Variants in UTP4 observed in about 807,000 individuals in gnomAD.
UTP4 encodes the protein U3 small nucleolar RNA-associated protein 4 homolog.
A neutral mutation model predicts 82.4 loss-of-function variants in UTP4; 45 were observed. The ratio of observed to expected loss-of-function variants is 0.55; its 90% confidence interval spans 0.43 to 0.70. The LOEUF is 0.70. UTP4 is among the 30% of genes least tolerant of loss of function. The pLI is 0.00. For missense variants in UTP4, 819 were observed against 858.3 expected, an observed-to-expected ratio of 0.95 and a Z score of 0.57; for synonymous variants, 348 against 300.3, an observed-to-expected ratio of 1.16 and a Z score of -1.64.
intron 16 of UTP4, 67 bp from the exon 17 acceptor site, chr16:69,168,754 C>A: frequency 1.0e-6 from 1 of 954,756 alleles, no homozygotes; most frequent in Non-Finnish European, 1.7e-6. Flanking sequence ...TGTCTACCTA[C>A]AGTCAGTTCT....
At chr16:69,150,469 C>G in intron 6 of UTP4, 68 bp from the exon 7 acceptor site, 5 of 1,563,298 alleles carry the variant, frequency 3.2e-6, no homozygotes, top group Non-Finnish European at 4.4e-6. Context: ...GACAGAAAGC[C>G]TCGGAATATT....
intron 15 of UTP4, 26 bp downstream of exon 15, chr16:69,165,552 A>C (rs754128516): frequency 3.1e-6 from 5 of 1,591,736 alleles, no homozygotes; most frequent in African/African-American, 1.3e-5. Flanking sequence ...CTACCTCCCA[A>C]ATCTTCTTCT....
At chr16:69,134,930 G>A (rs1254822104) in intron 2 of UTP4, among the ~76,000 whole-genome samples, 1 of 150,926 alleles carries the variant, frequency 6.6e-6, no homozygotes, top group Non-Finnish European at 1.5e-5. Flanking sequence ...CAAGTGATCT[G>A]CCCACCTCAG....
intron 10 of UTP4, among the ~76,000 whole-genome samples, chr16:69,155,168 T>C (rs1333821361): frequency 4.6e-5 from 7 of 152,202 alleles, no homozygotes; most frequent in African/African-American, 1.7e-4. Context: ...TGGTTGGTTT[T>C]TTTGTTTGTT....
Position 69,157,104 on chromosome 16 carries a change from C to A in UTP4, c.1308C>A (p.Phe436Leu). The A allele has an allele frequency of 6.2e-7, 1 of 1,614,234 alleles. No homozygotes were observed. Among genetic ancestry groups the A allele is most frequent in the Non-Finnish European group, 8.5e-7 (1 of 1,180,052 alleles). ...SLKRVSKMPA[F>L]LRSALQILFS... ...CAAAGGTTTCCAAAATGCCAGCATTCCTTCGCTCTGCCCTTCAGATTTTGT... is the reference window on the plus strand; with the variant it reads ...CAAAGGTTTCCAAAATGCCAGCATTACTTCGCTCTGCCCTTCAGATTTTGT... Residue 436 changes from phenylalanine (F) to leucine (L), a missense_variant, in exon 12 of 17, where the codon TTC (phenylalanine) becomes TTA (leucine). Coordinates refer to ENST00000314423, the MANE Select transcript of UTP4 (RefSeq NM_032830.3).
chr16:69,160,722 G>A (rs775929767), intron 13 of UTP4, among the ~76,000 whole-genome samples: 25 of 150,722 alleles, frequency 1.7e-4, no homozygotes, highest in Non-Finnish European at 2.9e-4. Flanking sequence ...TCAGCCTCCT[G>A]AGTAGCTGGG....
In UTP4 at chr16:69,143,348, C is replaced by T. The variant is rs780786250; in HGVS notation, c.697C>T (p.Leu233Phe). The change falls in exon 6 of 17, where the codon CTC (leucine) becomes TTC (phenylalanine). Residue 233 changes from leucine to phenylalanine, a missense_variant. Coordinates refer to ENST00000314423, the MANE Select transcript of UTP4 (RefSeq NM_032830.3). ...CACTGGGACGCTTGTGAAGAGCCAT[C>T]TCATCGCTAATGCTGACGTGCAGTC... ...SATGTLVKSH[L>F]IANADVQSIA... is the part of the protein sequence containing the mutation. The T allele has an allele frequency of 1.9e-6, 3 of 1,614,190 alleles. No individual in the cohort carries two copies. The highest frequency in any genetic ancestry group is 1.7e-6 in the Non-Finnish European group (2 of 1,180,030).
chr16:69,139,800 C>T, intron 4 of UTP4, 25 bp from the exon 5 acceptor site: 1 of 1,537,448 alleles, frequency 6.5e-7, no homozygotes, highest in Non-Finnish European at 9.0e-7. Flanking sequence ...ATGTCACTTT[C>T]TTTTTTTGTT....
intron 13 of UTP4, 57 bp downstream of exon 13, chr16:69,160,519 CT>C (rs1250322431): frequency 8.0e-7 from 1 of 1,256,396 alleles, no homozygotes; most frequent in African/African-American, 1.5e-5. Flanking sequence ...CCAGTTCACC[CT>C]GCAGTTACAA....
intron 2 of UTP4, among the ~76,000 whole-genome samples, chr16:69,135,562 ATAAAT>A (rs1282259999): frequency 6.6e-6 from 1 of 152,104 alleles, no homozygotes; most frequent in Non-Finnish European, 1.5e-5. Context: ...AAATAAATAA[ATAAAT>A]TAGATAGGTG....
chr16:69,168,047 A>G (rs1024285173), intron 16 of UTP4, among the ~76,000 whole-genome samples: 3 of 151,964 alleles, frequency 2.0e-5, no homozygotes, highest in African/African-American at 7.2e-5. Context: ...GTCCTTGCTT[A>G]ACATTGATTC....
chr16:69,160,421 A>G lies in UTP4; in HGVS notation c.1510A>G (p.Thr504Ala), dbSNP rs1250960397. The G allele has an allele frequency of 1.9e-6, 3 of 1,613,994 alleles. No homozygotes were observed. The highest frequency in any genetic ancestry group is 2.5e-6 in the Non-Finnish European group (3 of 1,179,996). Residue 504 changes from threonine to alanine, a missense_variant, in exon 13 of 17, where the codon ACC (threonine) becomes GCC (alanine). Thr to Ala is a moderately conservative substitution (Grantham distance 58). Coordinates refer to ENST00000314423, the MANE Select transcript of UTP4 (RefSeq NM_032830.3). Reference protein sequence around the residue: ...PDGNWLAASGTSAGVHVYNVK... With the variant: ...PDGNWLAASGASAGVHVYNVK... ...TGGGAATTGGCTAGCTGCATCAGGT[A>G]CCAGTGCTGGAGTCCATGTCTACAA...
chr16:69,133,372 A>G lies in UTP4; in HGVS notation c.-2-86A>G, dbSNP rs531390907. On this transcript the variant is annotated intron_variant, in intron 1 of 16. Transcript: ENST00000314423. ...GAGATGTTGTTGGAGCCTTCCAGCCAGAACAGTGATATTAAGGAACTGAAT... is the reference window on the plus strand; with the variant it reads ...GAGATGTTGTTGGAGCCTTCCAGCCGGAACAGTGATATTAAGGAACTGAAT... 70 of 1,343,474 alleles carry G rather than the reference A, an allele frequency of 5.2e-5. No individual in the cohort carries two copies. The Admixed American group carries it at 1.2e-3, about 24-fold the overall frequency. The allele number at this position is 1,343,474 out of a possible 1,614,324, so 83.2% of individuals were successfully genotyped here.
At chr16:69,152,775 G>A (rs541370333) in intron 8 of UTP4, among the ~76,000 whole-genome samples, 49 of 151,718 alleles carry the variant, frequency 3.2e-4, no homozygotes, top group African/African-American at 9.4e-4. Flanking sequence ...GCCCGGCCTC[G>A]GCTAATTTTT....
chr16:69,167,359 C>T lies in UTP4; in HGVS notation c.1944+174C>T, dbSNP rs546985802. 7.8e-5 allele frequency: 49 copies of T among 629,408 alleles called. 1 individual carries two copies. The Middle Eastern group carries it at 1.3e-3, about 16-fold the overall frequency. 39.0% of individuals were successfully genotyped at this position (629,408 alleles called of 1,614,324 possible). ...TGTCCCTTGTATATGTTTTATTGTT[C>T]TTGCCTTAGTAGGTTAGAGGCAGGC... On this transcript the variant is annotated intron_variant, in intron 16 of 16. Coordinates refer to ENST00000314423, the MANE Select transcript of UTP4 (RefSeq NM_032830.3).
intron 2 of UTP4, among the ~76,000 whole-genome samples, chr16:69,133,891 G>A (rs1962729260): frequency 6.6e-6 from 1 of 152,180 alleles, no homozygotes; most frequent in Admixed American, 6.5e-5. Context: ...GACACAGGAA[G>A]GGAAATTGTT....
chr16:69,136,031 A>G (rs573617204), intron 2 of UTP4, among the ~76,000 whole-genome samples: 1 of 152,310 alleles, frequency 6.6e-6, no homozygotes, highest in Admixed American at 6.5e-5. Flanking sequence ...CTCTGTCTCC[A>G]AAAAACAAAA....
intron 12 of UTP4, among the ~76,000 whole-genome samples, chr16:69,158,987 C>T (rs1963497177): frequency 6.6e-6 from 1 of 152,140 alleles, no homozygotes; most frequent in African/African-American, 2.4e-5. Context: ...GTGCTAAATA[C>T]ACAGCAGGCA....
intron 11 of UTP4, among the ~76,000 whole-genome samples, chr16:69,156,651 G>T (rs976656069): frequency 2.0e-5 from 3 of 151,498 alleles, no homozygotes; most frequent in African/African-American, 7.3e-5. Context: ...TAGAGATGGG[G>T]TTTCACCACG....
Sources: gnomAD v4.1 joint callset for allele counts (sites outside exome capture counted in the v4.1 genomes callset) on GRCh38, gnomAD v4.1.1 for gene constraint, MANE v1.5 for transcripts, NCBI Gene and HGNC (gene_info 2026-07-23, HGNC 2026-07-21) for gene names.